Variants in ACACA observed in about 807,000 individuals in gnomAD.
ACACA encodes acetyl-CoA carboxylase 1.
Under a neutral mutation model 296.1 loss-of-function variants are expected in ACACA, and 103 were observed. The observed-to-expected ratio is 0.35, with a 90% CI of 0.30 to 0.41. ACACA has a LOEUF of 0.41. Among genes scored for constraint, ACACA ranks in the 10% least tolerant of loss-of-function variants. The probability of loss-of-function intolerance (pLI) is 1.00; values close to 1 mark genes in which losing one functional copy is unlikely to be tolerated. For missense variants in ACACA, 1,554 were observed against 2,989.7 expected, an observed-to-expected ratio of 0.52 and a Z score of 11.20; for synonymous variants, 953 against 1,038.6, an observed-to-expected ratio of 0.92 and a Z score of 1.58.
intron 2 of ACACA, among the ~76,000 whole-genome samples, chr17:37,337,626 G>GA (rs2048186341): frequency 6.6e-6 from 1 of 151,646 alleles, no homozygotes; most frequent in Non-Finnish European, 1.5e-5. Flanking sequence ...GCTACTTTTT[G>GA]TTTTTTTGTA....
intron 1 of ACACA, among the ~76,000 whole-genome samples, chr17:37,405,483 A>G (rs79265069): frequency 0.012 from 1,808 of 152,334 alleles, 17 homozygotes; most frequent in Non-Finnish European, 0.018. Context: ...GATGCATAGG[A>G]AAATGTCTGG....
chr17:37,381,425 T>A (rs2139297), intron 1 of ACACA, among the ~76,000 whole-genome samples: 91,105 of 151,552 alleles, frequency 0.6, 28,505 homozygotes, highest in East Asian at 0.99. Flanking sequence ...ACTTCAAGTG[T>A]TTCACCCACC....
intron 1 of ACACA, among the ~76,000 whole-genome samples, chr17:37,401,424 C>T (rs1168477809): frequency 6.6e-6 from 1 of 151,958 alleles, no homozygotes; most frequent in Non-Finnish European, 1.5e-5. Context: ...AACTCCTGAC[C>T]TCAGGTGATC....
In ACACA at chr17:37,173,993, TATATATATATATATA is replaced by T. The variant is rs2076986443; in HGVS notation, c.5079+5252_5079+5266del. ...CACGCCTGGCTAATTTATATATATA[TATATATATATATATA>T]TATATATATATATTTTTTTTTTTTT... is the stretch of plus-strand genomic sequence containing the variant. On this transcript the variant is annotated intron_variant, in intron 41 of 55. Transcript: ENST00000616317. 3.8e-3 allele frequency among the ~76,000 whole-genome samples: 37 copies of T among 9,700 alleles called. 3 individuals carry two copies. Among genetic ancestry groups the T allele is most frequent in the African/African-American group, 0.018 (36 of 2,038 alleles). 6.4% of individuals were successfully genotyped at this position (9,700 alleles called of 152,430 possible). A position where few individuals can be genotyped will look rare whatever the true frequency, so the allele number is the denominator to read the frequency against.
intron 52 of ACACA, among the ~76,000 whole-genome samples, chr17:37,104,943 C>CCA (rs1555546814): frequency 1.0e-4 from 6 of 60,008 alleles, no homozygotes; most frequent in Non-Finnish European, 1.5e-4. Flanking sequence ...TGTCTCTGAC[C>CCA]GAAAAAAAAA....
At chr17:37,174,591 G>T (rs2077037683) in intron 41 of ACACA, among the ~76,000 whole-genome samples, 1 of 151,736 alleles carries the variant, frequency 6.6e-6, no homozygotes, top group South Asian at 2.1e-4. Context: ...TGAGTGCAGT[G>T]GCGCGATCTC....
intron 52 of ACACA, among the ~76,000 whole-genome samples, chr17:37,101,709 A>C (rs113466674): frequency 2.5e-4 from 38 of 152,230 alleles, no homozygotes; most frequent in Non-Finnish European, 4.1e-4. Context: ...CTTAGTCCCA[A>C]TTCCATAACT....
intron 38 of ACACA, among the ~76,000 whole-genome samples, chr17:37,190,868 G>C (rs567893695): frequency 8.5e-5 from 13 of 152,278 alleles, no homozygotes; most frequent in African/African-American, 3.1e-4. Flanking sequence ...TCATGTTTTT[G>C]TACTGCTTAT....
intron 52 of ACACA, among the ~76,000 whole-genome samples, chr17:37,102,257 T>C (rs1212615708): frequency 7.2e-6 from 1 of 139,852 alleles, no homozygotes; most frequent in Admixed American, 8.4e-5. Context: ...CAGGCTGGAG[T>C]GCAGTGGCAC....
rs2077787645 is a variant in ACACA, at chr17:37,192,215, T to C, written c.4291A>G (p.Ile1431Val). ...NRMRNFDLTA[I>V]PCANHKMHLY... ...TGCATCTTGTGATTAGCACATGGAA[T>C]GGCAGTGAGGTCAAAATTTCTCATC... Residue 1431 changes from isoleucine (I) to valine (V), a missense_variant, in exon 37 of 56, where the codon ATT (isoleucine) becomes GTT (valine). This residue lies in a region of ACACA where 179 missense variants were observed against 283.2 expected (regional missense o/e 0.63). Transcript: ENST00000616317. 6.2e-7 allele frequency: 1 copy of C among 1,614,062 alleles called. No homozygotes were observed. Among genetic ancestry groups the C allele is most frequent in the Non-Finnish European group, 8.5e-7 (1 of 1,180,010 alleles).
In ACACA at chr17:37,396,232, C is replaced by T. The variant is rs190791136; in HGVS notation, c.38+10030G>A. 6.1e-3 allele frequency among the ~76,000 whole-genome samples: 919 copies of T among 150,794 alleles called. 12 individuals are homozygous for T. The highest frequency in any genetic ancestry group is 0.02 in the African/African-American group (832 of 41,030). ...GCACATGCCTGTAATCCCAGCTACT[C>T]GGGAGGCTGAGGCAGGAGAATCGCT... is the stretch of plus-strand genomic sequence containing the variant. On this transcript the variant is annotated intron_variant, in intron 1 of 55. Transcript: ENST00000616317.
intron 29 of ACACA, among the ~76,000 whole-genome samples, chr17:37,219,342 G>A (rs528951133): frequency 3.5e-4 from 53 of 152,256 alleles, no homozygotes; most frequent in African/African-American, 1.3e-3. Flanking sequence ...TAAGCGTCTC[G>A]TGCTTTTGGC....
intron 39 of ACACA, among the ~76,000 whole-genome samples, chr17:37,185,932 C>G (rs1245101787): frequency 3.3e-5 from 5 of 152,122 alleles, no homozygotes; most frequent in South Asian, 2.1e-4. Flanking sequence ...ATGGATTACC[C>G]AAATCTCTTC....
intron 25 of ACACA, among the ~76,000 whole-genome samples, chr17:37,231,769 C>T (rs1333719746): frequency 6.6e-6 from 1 of 152,224 alleles, no homozygotes. Flanking sequence ...GCCATCTAGA[C>T]AGCTATGAAG....
At chr17:37,355,060 A>G (rs1049462593) in intron 1 of ACACA, among the ~76,000 whole-genome samples, 1 of 151,368 alleles carries the variant, frequency 6.6e-6, no homozygotes, top group Non-Finnish European at 1.5e-5. Flanking sequence ...CCTGGCCAAT[A>G]TGGTGAAACC....
At chr17:37,359,267 G>C (rs1367500765) in intron 1 of ACACA, 1 of 540,002 alleles carries the variant, frequency 1.9e-6, no homozygotes, top group Non-Finnish European at 2.4e-6. Context: ...GGGCTGCGGC[G>C]CTGCCAGGGC....
intron 1 of ACACA, among the ~76,000 whole-genome samples, chr17:37,381,631 T>C (rs1458510835): frequency 6.7e-6 from 1 of 148,588 alleles, no homozygotes; most frequent in African/African-American, 2.5e-5. Flanking sequence ...ATAGTCTTTT[T>C]TTTTTTTTTT....
chr17:37,112,265 T>C (rs1468179337), intron 51 of ACACA, among the ~76,000 whole-genome samples: 2 of 152,034 alleles, frequency 1.3e-5, no homozygotes, highest in African/African-American at 4.8e-5. Flanking sequence ...ACCCCAAACA[T>C]GTTTAAAAAA....
chr17:37,343,549 G>C (rs1010185552), intron 1 of ACACA, among the ~76,000 whole-genome samples: 1 of 151,716 alleles, frequency 6.6e-6, no homozygotes, highest in South Asian at 2.1e-4. Context: ...GGTGGATCAC[G>C]AGGTCAGGAG....
Sources: allele counts gnomAD v4.1 joint callset (sites outside exome capture counted in the v4.1 genomes callset), GRCh38; gene constraint gnomAD v4.1.1; regional missense constraint gnomAD v4.1.1; transcripts MANE v1.5; gene names NCBI Gene and HGNC (gene_info 2026-07-23, HGNC 2026-07-21).